SDCBP: variants seen among roughly 807,000 people sequenced by gnomAD.
The protein encoded by SDCBP is syntenin-1.
In SDCBP, 22 loss-of-function variants were observed where a neutral mutation model predicts 30.5. The observed-to-expected ratio is 0.72, with a 90% CI of 0.52 to 1.03. The LOEUF (loss-of-function observed/expected upper bound fraction) is 1.03. SDCBP is among the 50% of genes least tolerant of loss of function. SDCBP has a pLI of 0.00. For synonymous variants in SDCBP, 103 were observed against 118.7 expected, an observed-to-expected ratio of 0.87 and a Z score of 0.86; for missense variants, 304 against 369.9, an observed-to-expected ratio of 0.82 and a Z score of 1.46.
intron 1 of SDCBP, among the ~76,000 whole-genome samples, chr8:58,554,579 T>C (rs962490637): frequency 6.6e-6 from 1 of 152,214 alleles, no homozygotes; most frequent in African/African-American, 2.4e-5. Context: ...CTTTTAGTTT[T>C]GGGCATTATA....
chr8:58,571,271 A>G (rs1805006047), intron 3 of SDCBP, among the ~76,000 whole-genome samples: 1 of 152,198 alleles, frequency 6.6e-6, no homozygotes, highest in Non-Finnish European at 1.5e-5. Flanking sequence ...ACATATGAGA[A>G]CTATATGAAT....
intron 2 of SDCBP, 24 bp downstream of exon 2, chr8:58,565,108 TCAAAA>T (rs1804634766): frequency 1.5e-6 from 2 of 1,350,172 alleles, no homozygotes; most frequent in Admixed American, 1.9e-5. Context: ...AATACTTTTG[TCAAAA>T]CAAACACAGT....
At chr8:58,575,004 C>T (rs1286411261) in intron 4 of SDCBP, among the ~76,000 whole-genome samples, 1 of 152,080 alleles carries the variant, frequency 6.6e-6, no homozygotes, top group Non-Finnish European at 1.5e-5. Context: ...ACACTTTGAC[C>T]AACATTTTTC....
At chr8:58,566,452 G>C (rs977552128) in intron 2 of SDCBP, among the ~76,000 whole-genome samples, 1 of 152,140 alleles carries the variant, frequency 6.6e-6, no homozygotes, top group African/African-American at 2.4e-5. Flanking sequence ...ACAAATATTG[G>C]AATGAAAAAT....
chr8:58,579,561 T>C lies in SDCBP; in HGVS notation c.579-62T>C, dbSNP rs1301089761. ...CCAATATGGCAACATTTATGCTATA[T>C]GAAATCCATTAAAATGTTTAGCTTA... On this transcript the variant is annotated intron_variant, in intron 6 of 8. Coordinates refer to ENST00000260130, the MANE Select transcript of SDCBP (RefSeq NM_005625.4). 3.8e-6 allele frequency: 5 copies of C among 1,299,884 alleles called. No individual in the cohort carries two copies. In the African/African-American group the frequency reaches 4.5e-5, roughly 12 times the overall value. 80.5% of individuals were successfully genotyped at this position (1,299,884 alleles called of 1,614,324 possible). A position where few individuals can be genotyped will look rare whatever the true frequency, so the allele number is the denominator to read the frequency against.
intron 2 of SDCBP, among the ~76,000 whole-genome samples, chr8:58,570,535 G>A (rs1804956507): frequency 6.6e-6 from 1 of 151,886 alleles, no homozygotes; most frequent in African/African-American, 2.4e-5. Context: ...TTTTTACTTG[G>A]ACTAATTAGT....
At chr8:58,578,300 C>CA in intron 6 of SDCBP, 92 bp downstream of exon 6, 1 of 932,090 alleles carries the variant, frequency 1.1e-6, no homozygotes, top group Non-Finnish European at 1.6e-6. Context: ...TATTTTGTTG[C>CA]AGAAAATGAT....
At chr8:58,554,274 C>T (rs1803977967) in intron 1 of SDCBP, among the ~76,000 whole-genome samples, 1 of 152,182 alleles carries the variant, frequency 6.6e-6, no homozygotes, top group African/African-American at 2.4e-5. Flanking sequence ...CCTTGAAAAA[C>T]AACTGCGGGC....
At chr8:58,557,384 A>G (rs1226147916) in intron 1 of SDCBP, among the ~76,000 whole-genome samples, 6 of 130,900 alleles carry the variant, frequency 4.6e-5, no homozygotes, top group East Asian at 2.4e-4. Context: ...ATATAAAAAT[A>G]TTTATATTTA....
intron 1 of SDCBP, among the ~76,000 whole-genome samples, chr8:58,559,943 G>A (rs1271187491): frequency 6.6e-6 from 1 of 152,216 alleles, no homozygotes; most frequent in African/African-American, 2.4e-5. Flanking sequence ...CCTGGGCGGG[G>A]AAAGAGAAGA....
chr8:58,564,769 T>TG (rs1404454047), intron 1 of SDCBP, among the ~76,000 whole-genome samples: 1 of 152,240 alleles, frequency 6.6e-6, no homozygotes. Context: ...GACTTTTACT[T>TG]GAATTTTAAA....
intron 4 of SDCBP, 26 bp downstream of exon 4, chr8:58,572,340 T>A (rs7827910): frequency 0.35 from 489,922 of 1,418,748 alleles, 88,500 homozygotes; most frequent in East Asian, 0.58. Context: ...TTAATTTTGA[T>A]TTATATAAAA....
intron 1 of SDCBP, among the ~76,000 whole-genome samples, chr8:58,554,481 C>T (rs1241409383): frequency 2.0e-5 from 3 of 151,934 alleles, no homozygotes; most frequent in Non-Finnish European, 4.4e-5. Context: ...TGGTTTGTGG[C>T]ACAGAATAAA....
intron 2 of SDCBP, among the ~76,000 whole-genome samples, chr8:58,569,554 ATC>A (rs1804905709): frequency 6.6e-6 from 1 of 152,218 alleles, no homozygotes; most frequent in Non-Finnish European, 1.5e-5. Context: ...TATAGTTGGA[ATC>A]ATAAAGTATG....
At chr8:58,561,660 G>A in intron 1 of SDCBP, 2 of 541,492 alleles carry the variant, frequency 3.7e-6, no homozygotes, top group South Asian at 2.5e-5. Flanking sequence ...ATCTGAGAGA[G>A]TTCATCACCA....
chr8:58,576,783 C>A (rs1805356432), intron 5 of SDCBP, among the ~76,000 whole-genome samples: 1 of 152,174 alleles, frequency 6.6e-6, no homozygotes, highest in African/African-American at 2.4e-5. Context: ...TTAGCCATTA[C>A]CTTATTGGAT....
intron 1 of SDCBP, chr8:58,560,356 G>A (rs1804369442): frequency 6.6e-6 from 1 of 152,380 alleles, no homozygotes; most frequent in Admixed American, 6.5e-5. Flanking sequence ...GACAGAGGAT[G>A]ATACAGCTCA....
At chr8:58,562,788 G>A (rs932902724) in intron 1 of SDCBP, among the ~76,000 whole-genome samples, 1 of 152,142 alleles carries the variant, frequency 6.6e-6, no homozygotes, top group African/African-American at 2.4e-5. Flanking sequence ...TTTCTTAGAT[G>A]TTATATCTAA....
In SDCBP at chr8:58,578,602, G is replaced by A. The variant is rs541548077; in HGVS notation, c.578+394G>A. ...AAGTAGTATGGGAGTTCTGAAAACC[G>A]TATCAAGACTTTTGGGTAGTTATGA... On this transcript the variant is annotated intron_variant, in intron 6 of 8. Transcript: ENST00000260130. 2.1e-4 allele frequency among the ~76,000 whole-genome samples: 32 copies of A among 152,262 alleles called. 1 individual carries two copies. The highest frequency in any genetic ancestry group is 5.3e-4 in the African/African-American group (22 of 41,536).
Sources: allele counts gnomAD v4.1 joint callset (sites outside exome capture counted in the v4.1 genomes callset), GRCh38; gene constraint gnomAD v4.1.1; transcripts MANE v1.5; gene names NCBI Gene and HGNC (gene_info 2026-07-23, HGNC 2026-07-21).